JMJD1C: variants seen among roughly 807,000 people sequenced by gnomAD.
JMJD1C encodes the protein jumonji domain containing 1C.
A neutral mutation model predicts 245.3 loss-of-function variants in JMJD1C; 31 were observed. The ratio of observed to expected loss-of-function variants is 0.13; its 90% CI spans 0.09 to 0.17. The LOEUF (loss-of-function observed/expected upper bound fraction) is 0.17. Ranked by LOEUF, JMJD1C falls within the 10% of genes least tolerant of loss-of-function variation. JMJD1C has a pLI of 1.00. For missense variants in JMJD1C, 2,691 were observed against 3,000.2 expected, an observed-to-expected ratio of 0.90 and a Z score of 2.41; for synonymous variants, 1,057 against 1,017.4, an observed-to-expected ratio of 1.04 and a Z score of -0.74.
chr10:63,220,151 A>G (rs1848434867), intron 3 of JMJD1C, among the ~76,000 whole-genome samples, 168 bp from the exon 4 acceptor site: 1 of 152,248 alleles, frequency 6.6e-6, no homozygotes, highest in Non-Finnish European at 1.5e-5. Flanking sequence ...GTAACAAAAG[A>G]GCATAAGAAA....
At chr10:63,486,225 T>C (rs1281977589) in intron 1 of JMJD1C, among the ~76,000 whole-genome samples, 1 of 148,108 alleles carries the variant, frequency 6.8e-6, no homozygotes, top group Non-Finnish European at 1.5e-5. Flanking sequence ...GAGAAATTCA[T>C]TAGAGTATGA....
chr10:63,398,942 T>G (rs376675883), intron 1 of JMJD1C, among the ~76,000 whole-genome samples: 5 of 152,214 alleles, frequency 3.3e-5, no homozygotes, highest in African/African-American at 1.2e-4. Context: ...CCACCGCTCC[T>G]GGCCACTGGA....
chr10:63,497,829 C>T (rs1564971508), intron 1 of JMJD1C, among the ~76,000 whole-genome samples: 1 of 152,110 alleles, frequency 6.6e-6, no homozygotes, highest in Non-Finnish European at 1.5e-5. Context: ...GCGCAAGTAG[C>T]AAACTTTAGA....
chr10:63,192,875 T>G (rs977100790), intron 16 of JMJD1C, 63 bp downstream of exon 16: 1 of 1,205,664 alleles, frequency 8.3e-7, no homozygotes, highest in Non-Finnish European at 1.2e-6. Context: ...TGTACAATAG[T>G]ACATTGTTGG....
chr10:63,363,352 G>A lies in JMJD1C; in HGVS notation c.333+16966C>T, dbSNP rs530427838. Reference sequence around the variant, plus strand: ...TGGCTCACTGCAACCTCTGCCTCCCGGGTTCAAGCAATTCTCTTGCCTCAG... The same window carrying A: ...TGGCTCACTGCAACCTCTGCCTCCCAGGTTCAAGCAATTCTCTTGCCTCAG... On this transcript the variant is annotated intron_variant, in intron 2 of 25. Coordinates refer to ENST00000399262, the MANE Select transcript of JMJD1C (RefSeq NM_032776.3). Among the ~76,000 whole-genome samples the A allele has an allele frequency of 1.8e-4, 27 of 148,368 alleles. No homozygotes were observed. The South Asian group carries it at 5.2e-3, about 29-fold the overall frequency.
At chr10:63,229,933 T>C (rs191086608) in intron 3 of JMJD1C, among the ~76,000 whole-genome samples, 3 of 152,362 alleles carry the variant, frequency 2.0e-5, no homozygotes, top group Admixed American at 2.0e-4. Flanking sequence ...GTTTAGGTTT[T>C]TTTCCTAAAA....
At chr10:63,263,992 A>T (rs1446393752) in intron 3 of JMJD1C, among the ~76,000 whole-genome samples, 3 of 149,312 alleles carry the variant, frequency 2.0e-5, no homozygotes, top group South Asian at 2.1e-4. Flanking sequence ...ACACACACAC[A>T]CACACACACA....
At chr10:63,375,500 C>A (rs1946662120) in intron 2 of JMJD1C, among the ~76,000 whole-genome samples, 1 of 151,310 alleles carries the variant, frequency 6.6e-6, no homozygotes, top group Non-Finnish European at 1.5e-5. Context: ...TAAAAAGACA[C>A]CCCTGTTCAA....
intron 2 of JMJD1C, among the ~76,000 whole-genome samples, chr10:63,344,814 T>C (rs909784097): frequency 3.3e-5 from 5 of 152,046 alleles, no homozygotes; most frequent in African/African-American, 1.2e-4. Context: ...ATTAAATCAA[T>C]GCTGTACCAC....
intron 2 of JMJD1C, among the ~76,000 whole-genome samples, chr10:63,305,627 GGCGTGTGTGTGTGTGTGTGTGTGTGTGT>G (rs974619438): frequency 1.7e-5 from 1 of 58,610 alleles, no homozygotes; most frequent in African/African-American, 5.0e-5. Context: ...CCACCATGCT[GGCGTGTGTGTGTGTGTGTGTGTGTGTGT>G]GTGTGTGTGT....
Position 63,198,664 on chromosome 10 carries a change from A to G in JMJD1C, c.5340T>C (p.Asp1780=), listed in dbSNP as rs780039216. 3 of 1,612,852 alleles carry G rather than the reference A, an allele frequency of 1.9e-6. No individual in the cohort carries two copies. The highest frequency in any genetic ancestry group is 2.2e-5 in the South Asian group (2 of 91,036). Reference sequence around the variant, plus strand: ...GTGTCCACAAACTCATAGCTTCATCATCATATTGGTCAGGAGAAGAGAAAC... The same window carrying G: ...GTGTCCACAAACTCATAGCTTCATCGTCATATTGGTCAGGAGAAGAGAAAC... The part of the protein sequence containing the change: ...IDGFSSPDQY[D]DEAMSLWTHE... The change falls in exon 12 of 26, where the codon GAT becomes GAC. Residue 1780 remains aspartate, a synonymous_variant. Transcript: ENST00000399262.
At chr10:63,326,225 TG>T (rs1373861679) in intron 2 of JMJD1C, among the ~76,000 whole-genome samples, 1 of 152,110 alleles carries the variant, frequency 6.6e-6, no homozygotes, top group African/African-American at 2.4e-5. Context: ...CCAGACGCGG[TG>T]GCTCACGCCT....
At chr10:63,513,994 GA>G (rs1276141102) in intron 1 of JMJD1C, among the ~76,000 whole-genome samples, 2 of 152,096 alleles carry the variant, frequency 1.3e-5, no homozygotes, top group East Asian at 3.9e-4. Context: ...CTTCTCAAAA[GA>G]AGACATACAA....
intron 1 of JMJD1C, among the ~76,000 whole-genome samples, chr10:63,441,588 A>G (rs1444579212): frequency 6.6e-6 from 1 of 152,132 alleles, no homozygotes; most frequent in African/African-American, 2.4e-5. Context: ...TCTCAAAATT[A>G]TCTCATTTTG....
At chr10:63,367,226 T>G (rs560997731) in intron 2 of JMJD1C, among the ~76,000 whole-genome samples, 3 of 143,868 alleles carry the variant, frequency 2.1e-5, no homozygotes, top group East Asian at 3.9e-4. Context: ...TTCACCCTAG[T>G]TTTTTTTTGT....
rs1257380947 is a variant in JMJD1C at position 63,215,026 on chromosome 10, A to G, written c.1141T>C (p.Ser381Pro). 1 of 1,604,088 alleles carries G rather than the reference A, an allele frequency of 6.2e-7. No individual in the cohort carries two copies. Among genetic ancestry groups the G allele is most frequent in the South Asian group, 1.1e-5 (1 of 88,892 alleles). The stretch of plus-strand genomic sequence containing the variant: ...ATTATTCTCTTATTTGAATTTTCTG[A>G]GTCACTGCTCTCAGAAAAGTCTGAA... ...NVSDFSESSD[S>P]ENSNKRIIDN... The change falls in exon 8 of 26, where the codon TCA (serine) becomes CCA (proline). Residue 381 changes from serine (S) to proline (P), a missense_variant. Transcript: ENST00000399262.
chr10:63,193,659 T>G (rs920082130), intron 14 of JMJD1C, 187 bp from the exon 15 acceptor site: 6 of 445,844 alleles, frequency 1.3e-5, no homozygotes, highest in African/African-American at 2.1e-5. Context: ...CAAATTTATG[T>G]TTTTTTTGTT....
intron 1 of JMJD1C, among the ~76,000 whole-genome samples, chr10:63,413,185 G>T (rs541753406): frequency 2.6e-5 from 4 of 152,066 alleles, no homozygotes; most frequent in African/African-American, 9.7e-5. Flanking sequence ...CTACAAAAGC[G>T]TATGTATATG....
At chr10:63,178,300 CAAGAA>C (rs1843057071) in intron 22 of JMJD1C, among the ~76,000 whole-genome samples, 1 of 152,050 alleles carries the variant, frequency 6.6e-6, no homozygotes, top group Non-Finnish European at 1.5e-5. Context: ...TTTAGGACTA[CAAGAA>C]TAGATAAGTG....
Sources: gnomAD v4.1 joint callset for allele counts (sites outside exome capture counted in the v4.1 genomes callset) on GRCh38, gnomAD v4.1.1 for gene constraint, MANE v1.5 for transcripts, NCBI Gene and HGNC (gene_info 2026-07-23, HGNC 2026-07-21) for gene names.